The following ADCY8 variants were observed in gnomAD, a reference collection of about 807,000 sequenced individuals.
The protein encoded by ADCY8 is adenylate cyclase type 8.
In ADCY8, 51 loss-of-function variants were observed where a neutral mutation model predicts 119.7. The ratio of observed to expected loss-of-function variants is 0.43; its 90% confidence interval spans 0.34 to 0.54. The LOEUF (loss-of-function observed/expected upper bound fraction) is 0.54. Among genes scored for constraint, ADCY8 ranks in the 20% least tolerant of loss-of-function variants. ADCY8 has a pLI of 0.03. For synonymous variants in ADCY8, 665 were observed against 651.0 expected (o/e 1.02, Z -0.33); for missense variants, 1,383 against 1,598.8 (o/e 0.87, Z 2.30).
chr8:130,834,777 G>A (rs184390191), intron 12 of ADCY8, among the ~76,000 whole-genome samples: 42 of 152,102 alleles, frequency 2.8e-4, no homozygotes, highest in African/African-American at 9.4e-4. Flanking sequence ...ATAATTTATA[G>A]ATACAGACCT....
chr8:130,790,307 A>G (rs35755105), intron 15 of ADCY8, among the ~76,000 whole-genome samples: 2,194 of 152,240 alleles, frequency 0.014, 20 homozygotes, highest in Non-Finnish European at 0.021. Flanking sequence ...TTGGCTTTGA[A>G]TTCCCCAGTT....
At chr8:130,947,885 C>G (rs998200824) in intron 3 of ADCY8, among the ~76,000 whole-genome samples, 25 of 152,284 alleles carry the variant, frequency 1.6e-4, no homozygotes, top group Middle Eastern at 3.4e-3. Context: ...TTTGCATAGT[C>G]AATCCACCTG....
chr8:130,840,766 A>G (rs1817114690), intron 11 of ADCY8, among the ~76,000 whole-genome samples: 1 of 152,138 alleles, frequency 6.6e-6, no homozygotes, highest in South Asian at 2.1e-4. Flanking sequence ...CCATATAGTA[A>G]TGGGGTTCTC....
At position 130,814,144 on chromosome 8, in the gene ADCY8, G is replaced by A; in HGVS notation, c.2838C>T (p.His946=). ...EINEMKELRE[H]NENMLRNILP... is the part of the protein sequence containing the mutation. ...AGATATTCCGGAGCATGTTCTCATT[G>A]TGTTCCCTCAGCTCCTTCATCTCAT... The change falls in exon 14 of 18, where the codon CAC becomes CAT. Residue 946 remains histidine, a synonymous_variant. Transcript: ENST00000286355. 6.2e-7 allele frequency: 1 copy of A among 1,614,120 alleles called. No homozygotes were observed. The highest frequency in any genetic ancestry group is 8.5e-7 in the Non-Finnish European group (1 of 1,180,040).
At position 131,040,598 on chromosome 8, in the gene ADCY8, G is replaced by A; in HGVS notation, c.-265C>T. On this transcript the variant is annotated 5_prime_UTR_variant, in exon 1 of 18. Transcript: ENST00000286355. ...AGCCGGCGCAGCTTGGGTACGCAGC[G>A]GCAGTGGCTATTTGTCCTCAGGAGC... The A allele has an allele frequency of 8.2e-6, 3 of 365,140 alleles. No individual in the cohort carries two copies. The highest frequency in any genetic ancestry group is 1.5e-5 in the Non-Finnish European group (3 of 206,456). The allele number at this position is 365,140 out of a possible 1,614,324, so 22.6% of individuals were successfully genotyped here. A position where few individuals can be genotyped will look rare whatever the true frequency, so the allele number is the denominator to read the frequency against.
chr8:130,942,884 A>C (rs1042274675), intron 4 of ADCY8, among the ~76,000 whole-genome samples: 6 of 152,216 alleles, frequency 3.9e-5, no homozygotes, highest in African/African-American at 1.4e-4. Flanking sequence ...GTTGGCTAAA[A>C]ACAAAGCTCT....
rs1815165566 is a variant in ADCY8 at position 130,783,818 on chromosome 8, TGAG to T, written c.3154-16_3154-14del. ...TGTCTTCACATTGCTGAAGCAAACA[TGAG>T]GAGAAGAAATCATTTAATGCGGAAT... On this transcript the variant is annotated splice_polypyrimidine_tract_variant and intron_variant, in intron 16 of 17. Transcript: ENST00000286355. 3 of 1,596,668 alleles carry T rather than the reference TGAG, an allele frequency of 1.9e-6. No homozygotes were observed. The highest frequency in any genetic ancestry group is 1.7e-4 in the Middle Eastern group (1 of 6,006).
At chr8:131,016,345 G>A (rs2130787779) in intron 1 of ADCY8, among the ~76,000 whole-genome samples, 1 of 152,074 alleles carries the variant, frequency 6.6e-6, no homozygotes, top group African/African-American at 2.4e-5. Flanking sequence ...AATAGAGTAA[G>A]TAAAAAGAAT....
In ADCY8 at chr8:130,879,303, G is replaced by A. The variant is rs768890086; in HGVS notation, c.2109+5261C>T. ...GCTCACAAATAAAAAAGACAAAGGT[G>A]AGCACTGCGATAAAAGATTGGCAAT... On this transcript the variant is annotated intron_variant, in intron 8 of 17. Transcript: ENST00000286355. Among the ~76,000 whole-genome samples the A allele has an allele frequency of 7.0e-4, 106 of 152,228 alleles. 2 individuals are homozygous for A. In the Middle Eastern group the frequency reaches 0.017, roughly 25 times the overall value.
Position 130,785,457 on chromosome 8 carries a change from A to C in ADCY8, c.3079T>G (p.Phe1027Val), listed in dbSNP as rs934809669. 1.2e-6 allele frequency: 2 copies of C among 1,610,316 alleles called. No individual in the cohort carries two copies. The highest frequency in any genetic ancestry group is 1.7e-6 in the Non-Finnish European group (2 of 1,178,180). The change falls in exon 16 of 18, where the codon TTT becomes GTT. Residue 1027 changes from phenylalanine (F) to valine (V), a missense_variant. Physicochemically the swap from Phe to Val is conservative, Grantham distance 50. Transcript: ENST00000286355. ...DFDELLGEDR[F>V]QDIEKIKTIG... is the part of the protein sequence containing the mutation. ...GTCTTAATCTTTTCAATGTCTTGAA[A>C]TCGGTCTTCACCAAGCAACTGAAAG...
At chr8:130,804,922 T>C (rs570175999) in intron 14 of ADCY8, among the ~76,000 whole-genome samples, 1 of 152,262 alleles carries the variant, frequency 6.6e-6, no homozygotes, top group South Asian at 2.1e-4. Flanking sequence ...AATTTTTGTA[T>C]TTTTAGTAGA....
chr8:130,780,467 G>A lies in ADCY8; in HGVS notation c.3679C>T (p.Arg1227Trp), dbSNP rs753061333. The A allele has an allele frequency of 2.6e-5, 42 of 1,613,702 alleles. No homozygotes were observed. The highest frequency in any genetic ancestry group is 1.8e-4 in the East Asian group (8 of 44,880). ...NTGIIKGHYN[R>W]RTLLSPSGTE... ...CCGCTGGGTGACAACAAAGTCCGCC[G>A]GTTGTAATGACCCTTGATGATTCCT... is the stretch of plus-strand genomic sequence containing the variant. Residue 1227 changes from arginine to tryptophan, a missense_variant, in exon 18 of 18, where the codon CGG (arginine) becomes TGG (tryptophan). Physicochemically the swap from Arg to Trp is moderately radical, Grantham distance 101. This residue lies in a region of ADCY8 where 928 missense variants were observed against 1,163.5 expected (regional missense o/e 0.80). Transcript: ENST00000286355.
At chr8:130,942,116 G>A (rs146157170) in intron 4 of ADCY8, among the ~76,000 whole-genome samples, 3 of 151,934 alleles carry the variant, frequency 2.0e-5, no homozygotes, top group African/African-American at 4.8e-5. Flanking sequence ...TCTGTTTTCT[G>A]CCTCTGTAAT....
intron 14 of ADCY8, among the ~76,000 whole-genome samples, chr8:130,811,123 A>G (rs1209363066): frequency 6.6e-6 from 1 of 152,172 alleles, no homozygotes; most frequent in East Asian, 1.9e-4. Flanking sequence ...GCCTGAGCCC[A>G]GTTTCAGGGA....
chr8:130,810,357 C>CACACAT (rs1554602609), intron 14 of ADCY8, among the ~76,000 whole-genome samples: 1 of 143,830 alleles, frequency 7.0e-6, no homozygotes, highest in African/African-American at 2.7e-5. Context: ...TACACACACA[C>CACACAT]ACACACACAC....
At chr8:130,785,546 G>A in intron 15 of ADCY8, 71 bp from the exon 16 acceptor site, 2 of 1,145,142 alleles carry the variant, frequency 1.7e-6, no homozygotes, top group South Asian at 1.6e-5. Context: ...CCTGAAAACA[G>A]GCCCCTGGCT....
chr8:131,014,579 A>G (rs567018871), intron 1 of ADCY8, among the ~76,000 whole-genome samples: 115 of 152,324 alleles, frequency 7.5e-4, no homozygotes, highest in African/African-American at 2.6e-3. Context: ...AACACAGGAT[A>G]AAATGAGGCC....
intron 9 of ADCY8, 151 bp from the exon 10 acceptor site, chr8:130,849,954 T>G: frequency 2.5e-6 from 2 of 792,406 alleles, no homozygotes; most frequent in Admixed American, 5.6e-5. Flanking sequence ...CAGGAGAGAT[T>G]TTTAAAAATT....
At chr8:130,793,642 G>A (rs1239613462) in intron 15 of ADCY8, among the ~76,000 whole-genome samples, 1 of 152,186 alleles carries the variant, frequency 6.6e-6, no homozygotes, top group Non-Finnish European at 1.5e-5. Context: ...TCTGAGGCTG[G>A]CTTTCAGTGT....
Sources: allele counts gnomAD v4.1 joint callset (sites outside exome capture counted in the v4.1 genomes callset), GRCh38; gene constraint gnomAD v4.1.1; regional missense constraint gnomAD v4.1.1; transcripts MANE v1.5; gene names NCBI Gene and HGNC (gene_info 2026-07-23, HGNC 2026-07-21).